Variants in N4BP2 observed in about 807,000 individuals in gnomAD.
N4BP2 encodes the protein NEDD4-binding protein 2.
In N4BP2, 91 loss-of-function variants were observed where a neutral mutation model predicts 152.8. The ratio of observed to expected loss-of-function variants is 0.60; its 90% CI spans 0.50 to 0.71. The LOEUF is 0.71. N4BP2 is among the 30% of genes least tolerant of loss of function. The pLI, the probability that N4BP2 is intolerant of heterozygous loss-of-function variation, is 0.00. For synonymous variants in N4BP2, 646 were observed against 705.3 expected (o/e 0.92, Z 1.33); for missense variants, 1,923 against 2,059.1 (o/e 0.93, Z 1.28).
intron 14 of N4BP2, among the ~76,000 whole-genome samples, chr4:40,140,740 T>C (rs1199150719): frequency 1.3e-5 from 2 of 151,876 alleles, no homozygotes; most frequent in Admixed American, 1.3e-4. Context: ...CCTGCGGCCT[T>C]CCGCAGTGTT....
intron 1 of N4BP2, among the ~76,000 whole-genome samples, chr4:40,060,406 G>A (rs562221563): frequency 9.9e-5 from 15 of 151,864 alleles, no homozygotes; most frequent in South Asian, 2.1e-4. Context: ...GATCACGCCC[G>A]GCTAATGTTT....
chr4:40,133,658 A>T (rs1010840851), intron 13 of N4BP2, among the ~76,000 whole-genome samples: 5 of 152,324 alleles, frequency 3.3e-5, no homozygotes, highest in African/African-American at 1.2e-4. Flanking sequence ...ATATAAAAAC[A>T]TGAGTGAATT....
intron 1 of N4BP2, among the ~76,000 whole-genome samples, chr4:40,065,696 A>G: frequency 6.6e-6 from 1 of 152,184 alleles, no homozygotes; most frequent in East Asian, 1.9e-4. Flanking sequence ...GATCATTATC[A>G]ATTCTGTGTG....
At chr4:40,149,344 G>A (rs1560647851) in intron 16 of N4BP2, among the ~76,000 whole-genome samples, 1 of 152,182 alleles carries the variant, frequency 6.6e-6, no homozygotes, top group Non-Finnish European at 1.5e-5. Context: ...TATGTTGTAT[G>A]ATTTCATTTT....
the N4BP2 span, among the ~76,000 whole-genome samples, chr4:40,173,468 G>A: frequency 1.3e-5 from 2 of 152,208 alleles, no homozygotes; most frequent in African/African-American, 2.4e-5. Context: ...CTAGGAGGCA[G>A]CATTTGTAGT....
intron 1 of N4BP2, among the ~76,000 whole-genome samples, chr4:40,061,356 TTTTA>T (rs3070964): frequency 1.3e-5 from 2 of 150,044 alleles, no homozygotes; most frequent in Admixed American, 6.7e-5. Context: ...TTTTATTTCA[TTTTA>T]TTTATTTATT....
chr4:40,134,395 C>T (rs371072001), intron 13 of N4BP2, among the ~76,000 whole-genome samples: 2 of 140,818 alleles, frequency 1.4e-5, no homozygotes, highest in South Asian at 2.3e-4. Context: ...GTGTGTCCTT[C>T]TGGGGATGGT....
chr4:40,174,963 A>C, the N4BP2 span, among the ~76,000 whole-genome samples: 1 of 151,438 alleles, frequency 6.6e-6, no homozygotes, highest in Admixed American at 6.6e-5. Flanking sequence ...TATGTTAAGT[A>C]AAATAAGCCA....
chr4:40,079,622 A>G (rs1296802163), intron 2 of N4BP2, among the ~76,000 whole-genome samples: 1 of 152,198 alleles, frequency 6.6e-6, no homozygotes, highest in African/African-American at 2.4e-5. Context: ...TTAAGTGAAC[A>G]TATGTCCTTA....
At chr4:40,181,398 A>T in the N4BP2 span, among the ~76,000 whole-genome samples, 1 of 152,208 alleles carries the variant, frequency 6.6e-6, no homozygotes, top group African/African-American at 2.4e-5. Context: ...CTTGTAGATT[A>T]ACATATCAAT....
chr4:40,108,717 A>G (rs10033188), intron 5 of N4BP2, among the ~76,000 whole-genome samples: 12,544 of 152,208 alleles, frequency 0.082, 988 homozygotes, highest in East Asian at 0.42. Context: ...TGCTAGTGTA[A>G]CTGTCTATTC....
chr4:40,072,071 G>C (rs1023534309), intron 1 of N4BP2, among the ~76,000 whole-genome samples: 1 of 149,326 alleles, frequency 6.7e-6, no homozygotes, highest in African/African-American at 2.5e-5. Context: ...ACTATGCCTG[G>C]CTAATTTTTT....
In N4BP2 at chr4:40,110,239, T is replaced by C. The variant is rs73144041; in HGVS notation, c.1499-1845T>C. On this transcript the variant is annotated intron_variant, in intron 5 of 17. Transcript: ENST00000261435. ...CATCAGTTAATAGACATTTGAGTTG[T>C]TTTCACTTTTTGGCTATTAAGAACA... 4.1e-3 allele frequency among the ~76,000 whole-genome samples: 622 copies of C among 152,336 alleles called. 8 individuals are homozygous for C. The highest frequency in any genetic ancestry group is 0.014 in the African/African-American group (593 of 41,576).
the N4BP2 span, among the ~76,000 whole-genome samples, chr4:40,184,327 T>A: frequency 6.6e-6 from 1 of 150,986 alleles, no homozygotes; most frequent in African/African-American, 2.4e-5. Flanking sequence ...CTTCACATTA[T>A]TTTTTTTTCT....
chr4:40,077,886 G>A (rs1268874955), intron 2 of N4BP2: 1 of 152,130 alleles, frequency 6.6e-6, no homozygotes, highest in Non-Finnish European at 1.5e-5. Flanking sequence ...GATATGGAGT[G>A]CAGCACATTT....
Position 40,117,859 on chromosome 4 carries a change from G to A in N4BP2, c.1665-10G>A. On this transcript the variant is annotated splice_polypyrimidine_tract_variant and intron_variant, in intron 7 of 17. Coordinates refer to ENST00000261435, the MANE Select transcript of N4BP2 (RefSeq NM_018177.6). The stretch of plus-strand genomic sequence containing the variant: ...ATTCCTTCAACCCTTTTTTCCCCTG[G>A]AATTTTCAGGCGTAACATTCATGGG... The A allele has an allele frequency of 6.3e-7, 1 of 1,580,410 alleles. No individual in the cohort carries two copies. Among genetic ancestry groups the A allele is most frequent in the African/African-American group, 1.4e-5 (1 of 72,798 alleles).
chr4:40,189,746 G>A, the N4BP2 span, among the ~76,000 whole-genome samples: 2 of 151,952 alleles, frequency 1.3e-5, no homozygotes, highest in African/African-American at 4.8e-5. This position sits in a 1 kb window ranked among gnomAD's most constrained non-coding sequence, Gnocchi z 4.3. Context: ...AAAATTAGCT[G>A]GGCATGGTGG....
intron 1 of N4BP2, among the ~76,000 whole-genome samples, chr4:40,072,999 G>A (rs749223108): frequency 2.0e-5 from 3 of 152,282 alleles, no homozygotes; most frequent in Non-Finnish European, 4.4e-5. Flanking sequence ...GGGATTACAG[G>A]TGTGAGCCAC....
At chr4:40,149,902 G>GAAAAAAAAAAAAAAA (rs534686637) in intron 16 of N4BP2, among the ~76,000 whole-genome samples, 1 of 95,306 alleles carries the variant, frequency 1.0e-5, no homozygotes, top group Non-Finnish European at 2.2e-5. Flanking sequence ...ATCTCAAAAA[G>GAAAAAAAAAAAAAAA]AAAAAAAAAA....
Sources: allele counts gnomAD v4.1 joint callset (sites outside exome capture counted in the v4.1 genomes callset), GRCh38; gene constraint gnomAD v4.1.1; non-coding constraint Gnocchi (gnomAD v3.1); transcripts MANE v1.5; gene names NCBI Gene and HGNC (gene_info 2026-07-23, HGNC 2026-07-21).